The following UBE2U variants were observed in gnomAD, a reference collection of about 807,000 sequenced individuals.
UBE2U encodes ubiquitin conjugating enzyme E2 U, also known as ubiquitin-conjugating enzyme E2 U.
A neutral mutation model predicts 41.2 loss-of-function variants in UBE2U; 39 were observed. That is an observed-to-expected ratio of 0.95 (90% confidence interval 0.73 to 1.24). The LOEUF is 1.24. UBE2U is among the 50% of genes most tolerant of loss of function. UBE2U has a pLI of 0.00. For synonymous variants in UBE2U, 107 were observed against 117.8 expected (o/e 0.91, Z 0.60); for missense variants, 336 against 363.1 (o/e 0.93, Z 0.61).
chr1:64,239,136 AAG>A (rs1161336914), intron 7 of UBE2U, among the ~76,000 whole-genome samples: 3 of 28,340 alleles, frequency 1.1e-4, no homozygotes, highest in Admixed American at 4.4e-4. Context: ...GAAGAAGAAG[AAG>A]AAGAAGAAGA....
Position 64,203,932 on chromosome 1 carries a change from A to G in UBE2U, c.-119A>G. On this transcript the variant is annotated 5_prime_UTR_variant, in exon 1 of 10. Coordinates refer to ENST00000371077, the MANE Select transcript of UBE2U (RefSeq NM_001366232.2). ...TCTTGGTACCGTTCTGAGGTTCTAG[A>G]AAGCAAGTAACTTATATCAGTTTAC... 1.3e-6 allele frequency: 1 copy of G among 792,904 alleles called. No individual in the cohort carries two copies. Among genetic ancestry groups the G allele is most frequent in the East Asian group, 2.8e-5 (1 of 35,794 alleles). The allele number at this position is 792,904 out of a possible 1,614,324, so 49.1% of individuals were successfully genotyped here.
At chr1:64,215,198 T>C (rs1390892029) in intron 5 of UBE2U, among the ~76,000 whole-genome samples, 3 of 151,992 alleles carry the variant, frequency 2.0e-5, no homozygotes, top group African/African-American at 7.3e-5. Context: ...GCCATTGCAC[T>C]CTAGCCCGGG....
intron 1 of UBE2U, among the ~76,000 whole-genome samples, chr1:64,204,390 A>G (rs1209128133): frequency 6.6e-6 from 1 of 152,202 alleles, no homozygotes; most frequent in African/African-American, 2.4e-5. Flanking sequence ...TCATGTAGTT[A>G]GTGACTAGTA....
chr1:64,226,738 T>A (rs1652897410), intron 6 of UBE2U, among the ~76,000 whole-genome samples: 2 of 148,178 alleles, frequency 1.3e-5, no homozygotes, highest in African/African-American at 2.5e-5. Flanking sequence ...AAATAAAACT[T>A]AAAAAAAAAA....
At chr1:64,216,436 G>A (rs1202209559) in intron 5 of UBE2U, among the ~76,000 whole-genome samples, 1 of 152,208 alleles carries the variant, frequency 6.6e-6, no homozygotes, top group East Asian at 1.9e-4. Context: ...AGTTGTAAAA[G>A]CTGTTTTCAA....
chr1:64,233,102 G>C (rs1284350283), intron 7 of UBE2U, among the ~76,000 whole-genome samples: 1 of 151,958 alleles, frequency 6.6e-6, no homozygotes, highest in Non-Finnish European at 1.5e-5. Context: ...CCGCCTCCCA[G>C]GTTCACGCCA....
intron 8 of UBE2U, among the ~76,000 whole-genome samples, chr1:64,245,872 C>G (rs1351981720): frequency 6.6e-6 from 1 of 152,170 alleles, no homozygotes; most frequent in Non-Finnish European, 1.5e-5. Context: ...GATATTATCT[C>G]TAGTTTACCA....
rs1300619089 is a variant in UBE2U at position 64,260,556 on chromosome 1, C to G, written c.678-47C>G. The G allele has an allele frequency of 3.5e-6, 5 of 1,442,412 alleles. No individual in the cohort carries two copies. In the Admixed American group the frequency reaches 8.2e-5, roughly 24 times the overall value. The allele number at this position is 1,442,412 out of a possible 1,614,324, so 89.4% of individuals were successfully genotyped here. ...TATTTTTCTCAGAAGTAAATATACC[C>G]TTACCAAAATTCATTTGGGAATTTA... On this transcript the variant is annotated intron_variant, in intron 8 of 9. Transcript: ENST00000371077.
At position 64,217,213 on chromosome 1, in the gene UBE2U, T is replaced by A. The variant is rs528836783; in HGVS notation, c.457+2281T>A. Among the ~76,000 whole-genome samples the A allele has an allele frequency of 2.6e-5, 4 of 152,342 alleles. No individual in the cohort carries two copies. In the South Asian group the frequency reaches 8.3e-4, roughly 32 times the overall value. On this transcript the variant is annotated intron_variant, in intron 5 of 9. Transcript: ENST00000371077. The stretch of plus-strand genomic sequence containing the variant: ...GGTATTCTTTGTATCTAGTGTTTAT[T>A]TGATAGAGCTAAATGACCATTTTTC...
chr1:64,223,071 A>C (rs1422754542), intron 6 of UBE2U, among the ~76,000 whole-genome samples: 1 of 152,184 alleles, frequency 6.6e-6, no homozygotes. Flanking sequence ...GCTAGTACTT[A>C]GAATGTACTT....
chr1:64,220,907 G>A lies in UBE2U; in HGVS notation c.506G>A (p.Arg169Lys). 3 of 1,599,980 alleles carry A rather than the reference G, an allele frequency of 1.9e-6. No individual in the cohort carries two copies. The highest frequency in any genetic ancestry group is 2.6e-6 in the Non-Finnish European group (3 of 1,174,586). Residue 169 changes from arginine (R) to lysine (K), a missense_variant and splice_region_variant, in exon 6 of 10, where the codon AGA (arginine) becomes AAA (lysine). Coordinates refer to ENST00000371077, the MANE Select transcript of UBE2U (RefSeq NM_001366232.2). Reference sequence around the variant, plus strand: ...CCTAAAGACCCACGTAAATGTATCAGGTAAGTTTTTCTTTATACAATTTAT... The same window carrying A: ...CCTAAAGACCCACGTAAATGTATCAAGTAAGTTTTTCTTTATACAATTTAT... ...ELPKDPRKCIRPIKTTSFSDY... is the reference protein window; with the variant it reads ...ELPKDPRKCIKPIKTTSFSDY...
intron 7 of UBE2U, among the ~76,000 whole-genome samples, chr1:64,239,140 A>AGAGGAAGAGGAAGAG (rs1557730539): frequency 1.1e-4 from 3 of 28,354 alleles, no homozygotes; most frequent in African/African-American, 6.0e-4. Context: ...AAGAAGAAGA[A>AGAGGAAGAGGAAGAG]GAAGAAGAAG....
intron 6 of UBE2U, among the ~76,000 whole-genome samples, chr1:64,221,637 C>G (rs1652474984): frequency 6.6e-6 from 1 of 152,204 alleles, no homozygotes; most frequent in Non-Finnish European, 1.5e-5. Context: ...TAGAAACACA[C>G]ATACGGTTCG....
At chr1:64,204,678 A>G (rs376480025) in intron 1 of UBE2U, among the ~76,000 whole-genome samples, 20 of 152,314 alleles carry the variant, frequency 1.3e-4, no homozygotes, top group African/African-American at 4.8e-4. Flanking sequence ...TGAGGTTATC[A>G]ATGTCCATGG....
chr1:64,227,478 T>A (rs771465998), intron 6 of UBE2U, among the ~76,000 whole-genome samples: 55 of 152,208 alleles, frequency 3.6e-4, no homozygotes, highest in Non-Finnish European at 7.1e-4. Context: ...TATATACTCA[T>A]AATCAACAGA....
chr1:64,241,627 T>G lies in UBE2U; in HGVS notation c.596-25T>G, dbSNP rs377021063. 8 of 1,536,844 alleles carry G rather than the reference T, an allele frequency of 5.2e-6. No homozygotes were observed. Among genetic ancestry groups the G allele is most frequent in the Middle Eastern group, 1.9e-4 (1 of 5,292 alleles). ...ATTATTAAAGAATGTATGTATAGCTTCTTTTTTTAATATTCTAATTTCAGT... is the reference window on the plus strand; with the variant it reads ...ATTATTAAAGAATGTATGTATAGCTGCTTTTTTTAATATTCTAATTTCAGT... On this transcript the variant is annotated intron_variant, in intron 7 of 9. Transcript: ENST00000371077.
chr1:64,204,599 C>T (rs1651171748), intron 1 of UBE2U, among the ~76,000 whole-genome samples: 2 of 152,288 alleles, frequency 1.3e-5, no homozygotes, highest in African/African-American at 4.8e-5. Flanking sequence ...ACCAGCATGA[C>T]ACATAAATGC....
intron 7 of UBE2U, among the ~76,000 whole-genome samples, chr1:64,241,247 G>A (rs890747770): frequency 8.5e-5 from 13 of 152,092 alleles, no homozygotes; most frequent in Admixed American, 2.6e-4. Context: ...AAACTGATCT[G>A]CTTAAGATTG....
At chr1:64,228,084 C>G (rs1312934671) in intron 6 of UBE2U, among the ~76,000 whole-genome samples, 2 of 151,946 alleles carry the variant, frequency 1.3e-5, no homozygotes, top group African/African-American at 4.8e-5. Flanking sequence ...AAATATATAT[C>G]TAAAAGCACA....
Sources: allele counts gnomAD v4.1 joint callset (sites outside exome capture counted in the v4.1 genomes callset), GRCh38; gene constraint gnomAD v4.1.1; transcripts MANE v1.5; gene names NCBI Gene and HGNC (gene_info 2026-07-23, HGNC 2026-07-21).